The following INF2 variants were observed in gnomAD, a reference collection of about 807,000 sequenced individuals.
INF2 encodes inverted formin-2.
Under a neutral mutation model 123.5 loss-of-function variants are expected in INF2, and 43 were observed. The observed-to-expected ratio is 0.35, with a 90% CI of 0.27 to 0.45. The LOEUF (loss-of-function observed/expected upper bound fraction) is 0.45. Among genes scored for constraint, INF2 ranks in the 20% least tolerant of loss-of-function variants. The pLI, the probability that INF2 is intolerant of heterozygous loss-of-function variation, is 1.00. For missense variants in INF2, 1,453 were observed against 1,682.7 expected, an observed-to-expected ratio of 0.86 and a Z score of 2.39; for synonymous variants, 851 against 745.0, an observed-to-expected ratio of 1.14 and a Z score of -2.32.
intron 1 of INF2, among the ~76,000 whole-genome samples, chr14:104,700,387 G>A (rs1426853590): frequency 6.6e-6 from 1 of 152,140 alleles, no homozygotes; most frequent in Non-Finnish European, 1.5e-5. Context: ...GGCTCAGAGC[G>A]TGTCCCTGCC....
intron 5 of INF2, 36 bp downstream of exon 5, chr14:104,703,985 C>T (rs1404479213): frequency 1.9e-6 from 3 of 1,606,790 alleles, no homozygotes; most frequent in African/African-American, 1.3e-5. Context: ...CCGGCTCCCC[C>T]TCCTGCTCCC....
At chr14:104,698,159 G>A (rs1316548777) in intron 1 of INF2, among the ~76,000 whole-genome samples, 1 of 152,278 alleles carries the variant, frequency 6.6e-6, no homozygotes, top group African/African-American at 2.4e-5. Flanking sequence ...TCCAGATGGA[G>A]AGCAGAGGGG....
chr14:104,713,969 C>T (rs1377737869), intron 20 of INF2, among the ~76,000 whole-genome samples: 2 of 152,244 alleles, frequency 1.3e-5, no homozygotes, highest in African/African-American at 2.4e-5. Flanking sequence ...GACCCCATTC[C>T]TGGGGTGGCT....
At chr14:104,696,012 G>C (rs566201403) in intron 1 of INF2, among the ~76,000 whole-genome samples, 7 of 152,110 alleles carry the variant, frequency 4.6e-5, no homozygotes, top group Non-Finnish European at 7.4e-5. Flanking sequence ...ATATTCATCC[G>C]AGATGCAGCT....
At chr14:104,681,377 G>T in exon 1 of INF2, 1 of 453,130 alleles carries the variant, frequency 2.2e-6, no homozygotes, top group Non-Finnish European at 4.4e-6. Flanking sequence ...TGCAGGCTTG[G>T]CCCTCACCTT....
chr14:104,714,180 C>G (rs746230844), intron 20 of INF2, 23 bp from the exon 21 acceptor site: 158 of 1,481,244 alleles, frequency 1.1e-4, no homozygotes, highest in Admixed American at 2.1e-4. Context: ...GCCTGCCCTT[C>G]ACTGGTGTGT....
chr14:104,694,326 C>A (rs1021706224), intron 1 of INF2, among the ~76,000 whole-genome samples: 2 of 152,240 alleles, frequency 1.3e-5, no homozygotes, highest in African/African-American at 4.8e-5. Context: ...CATTGCCAAG[C>A]GGCATGTTGC....
At position 104,712,514 on chromosome 14, in the gene INF2, C is replaced by G. The variant is rs62640005; in HGVS notation, c.2571C>G (p.Ser857=). The G allele has an allele frequency of 6.2e-6, 10 of 1,612,516 alleles. No homozygotes were observed. The change falls in exon 17 of 23, where the codon TCC becomes TCG. Residue 857 remains serine, a synonymous_variant. Coordinates refer to ENST00000392634, the MANE Select transcript of INF2 (RefSeq NM_022489.4). The part of the protein sequence containing the change: ...LLETERKVSA[S]VAEVQEQYTE... ...AGACCGAGCGGAAGGTGTCTGCCTC[C>G]GTGGCCGAGGTCCAGGAGCAGTACA... is the stretch of plus-strand genomic sequence containing the variant.
upstream of INF2, among the ~76,000 whole-genome samples, chr14:104,687,314 AG>A (rs1245779246): frequency 6.6e-6 from 1 of 152,024 alleles, no homozygotes; most frequent in East Asian, 1.9e-4. The surrounding 1 kb of genome is among the most constrained non-coding windows in gnomAD (Gnocchi z 5.6). Context: ...GGAGAAGAGG[AG>A]GGGGCCTCTG....
At chr14:104,700,403 CGG>C (rs1436198937) in intron 1 of INF2, among the ~76,000 whole-genome samples, 1 of 152,170 alleles carries the variant, frequency 6.6e-6, no homozygotes, top group East Asian at 1.9e-4. Flanking sequence ...CTGCCAGGCC[CGG>C]CCCCCTAGCT....
At chr14:104,693,689 C>T (rs1209652129) in intron 1 of INF2, among the ~76,000 whole-genome samples, 1 of 152,214 alleles carries the variant, frequency 6.6e-6, no homozygotes, top group African/African-American at 2.4e-5. Flanking sequence ...GGGGTTTGTT[C>T]GTGCCTGAGC....
rs776576331 is a variant in INF2, at chr14:104,701,434, G to C, written c.69G>C (p.Ser23=). 5 of 1,595,448 alleles carry C rather than the reference G, an allele frequency of 3.1e-6. No homozygotes were observed. In the East Asian group the frequency reaches 1.1e-4, roughly 36 times the overall value. Residue 23 remains serine (S), a synonymous_variant, in exon 2 of 23, where the codon TCG becomes TCC. Coordinates refer to ENST00000392634, the MANE Select transcript of INF2 (RefSeq NM_022489.4). ...ALKEKLGPQD[S]DPTEANLESA... ...AGGAGAAGCTGGGGCCACAGGATTC[G>C]GACCCCACGGAGGCCAACCTGGAGA...
chr14:104,692,806 C>A (rs538086023), intron 1 of INF2, among the ~76,000 whole-genome samples: 1 of 152,360 alleles, frequency 6.6e-6, no homozygotes, highest in African/African-American at 2.4e-5. Flanking sequence ...CGCCAATGGC[C>A]AAGGGCAAGG....
chr14:104,707,534 C>T lies in INF2; in HGVS notation c.1267C>T (p.Pro423Ser). ...ALEQQASTPP[P>S]PPPPPLLPGS... ...GGAGCAGCAGGCGTCCACCCCACCC[C>T]CACCCCCACCCCCACCCCTGCTCCC... Residue 423 changes from proline to serine, a missense_variant, in exon 8 of 23, where the codon CCA (proline) becomes TCA (serine). Physicochemically the swap from Pro to Ser is moderately conservative, Grantham distance 74. Around this residue, in one of 8 missense-constraint regions of INF2, gnomAD observed 374 missense variants for 303.7 expected, o/e 1.23. Transcript: ENST00000392634. 1.1e-6 allele frequency: 1 copy of T among 915,708 alleles called. No homozygotes were observed. Among genetic ancestry groups the T allele is most frequent in the Non-Finnish European group, 1.5e-6 (1 of 674,704 alleles). The allele number at this position is 915,708 out of a possible 1,614,324, so 56.7% of individuals were successfully genotyped here.
chr14:104,707,852 C>A lies in INF2; in HGVS notation c.1585C>A (p.Pro529Thr), dbSNP rs1052608799. 1 of 1,605,634 alleles carries A rather than the reference C, an allele frequency of 6.2e-7. No individual in the cohort carries two copies. Among genetic ancestry groups the A allele is most frequent in the Non-Finnish European group, 8.5e-7 (1 of 1,178,662 alleles). Residue 529 changes from proline to threonine, a missense_variant, in exon 8 of 23, where the codon CCC (proline) becomes ACC (threonine). Pro to Thr is a conservative substitution (Grantham distance 38). Transcript: ENST00000392634. ...ACTACTGCCCTGCACCTGCAGCCCCCCCGTGGCGGGAGGCATGGAGGAGGT... is the reference window on the plus strand; with the variant it reads ...ACTACTGCCCTGCACCTGCAGCCCCACCGTGGCGGGAGGCATGGAGGAGGT... ...PPLLPCTCSP[P>T]VAGGMEEVIV... is the part of the protein sequence containing the mutation.
intron 1 of INF2, among the ~76,000 whole-genome samples, chr14:104,683,693 T>A: frequency 6.9e-6 from 1 of 145,590 alleles, no homozygotes; most frequent in Non-Finnish European, 1.5e-5. Flanking sequence ...TGGCACTACA[T>A]CTCTTCAAAA....
Position 104,707,357 on chromosome 14 carries a change from C to G in INF2, c.1090C>G (p.Leu364Val), listed in dbSNP as rs1306232906. ...GGCCCATAAAAGCGTCCAGGCCAACCTAGACCAGAGCCAGAGGGGCAGCTC... is the reference window on the plus strand; with the variant it reads ...GGCCCATAAAAGCGTCCAGGCCAACGTAGACCAGAGCCAGAGGGGCAGCTC... ...VKAHKSVQAN[L>V]DQSQRGSSPQ... is the part of the protein sequence containing the mutation. Residue 364 changes from leucine (L) to valine (V), a missense_variant, in exon 8 of 23, where the codon CTA becomes GTA. Leu to Val is a conservative substitution (Grantham distance 32, BLOSUM62 1). Around this residue, in one of 8 missense-constraint regions of INF2, gnomAD observed 374 missense variants for 303.7 expected, o/e 1.23. Coordinates refer to ENST00000392634, the MANE Select transcript of INF2 (RefSeq NM_022489.4). The G allele has an allele frequency of 6.3e-7, 1 of 1,598,312 alleles. No individual in the cohort carries two copies. The highest frequency in any genetic ancestry group is 2.3e-5 in the East Asian group (1 of 43,952).
Position 104,707,271 on chromosome 14 carries a change from A to C in INF2, c.1004A>C (p.Glu335Ala). 1 of 1,609,760 alleles carries C rather than the reference A, an allele frequency of 6.2e-7. No individual in the cohort carries two copies. The highest frequency in any genetic ancestry group is 8.5e-7 in the Non-Finnish European group (1 of 1,178,684). Residue 335 changes from glutamate to alanine, a missense_variant, in exon 8 of 23, where the codon GAG becomes GCG. By Grantham distance (107) the Glu-to-Ala change is moderately radical. This residue lies in a region of INF2 where 374 missense variants were observed against 303.7 expected (regional missense o/e 1.23). Transcript: ENST00000392634. ...ACTGCAGCCCAGGAATGCACCCTGG[A>C]GGAAGTGGTTGAGCGGCTCCTGTCT... ...LASDAQECTL[E>A]EVVERLLSVK...
chr14:104,705,917 G>C, intron 5 of INF2, 118 bp from the exon 6 acceptor site: 1 of 1,298,220 alleles, frequency 7.7e-7, no homozygotes, highest in Non-Finnish European at 1.1e-6. Context: ...GCTATGGCCT[G>C]GCTCAGAGTC....
Sources: gnomAD v4.1 joint callset for allele counts (sites outside exome capture counted in the v4.1 genomes callset) on GRCh38, gnomAD v4.1.1 for gene constraint, gnomAD v4.1.1 regional missense constraint, Gnocchi (gnomAD v3.1) non-coding constraint, MANE v1.5 for transcripts, NCBI Gene and HGNC (gene_info 2026-07-23, HGNC 2026-07-21) for gene names.